The following PAK3 variants were observed in gnomAD, a reference collection of about 807,000 sequenced individuals.
The protein encoded by PAK3 is serine/threonine-protein kinase PAK 3.
A neutral mutation model predicts 41.0 loss-of-function variants in PAK3; 4 were observed. That is an observed-to-expected ratio of 0.10 (90% CI 0.05 to 0.22). The LOEUF is 0.22. PAK3 is among the 10% of genes least tolerant of loss of function. The pLI, the probability that PAK3 is intolerant of heterozygous loss-of-function variation, is 1.00. For missense variants in PAK3, 205 were observed against 409.9 expected (o/e 0.50, Z 4.32); for synonymous variants, 146 against 139.6 (o/e 1.05, Z -0.32).
intron 1 of PAK3, among the ~76,000 whole-genome samples, chrX:111,003,041 A>G (rs947696432): frequency 7.1e-5 from 8 of 111,902 alleles, no homozygotes; most frequent in African/African-American, 2.6e-4. Context: ...ATTCTAATGT[A>G]TGCTGAAGTT....
At chrX:111,096,747 C>G (rs887246814) in intron 1 of PAK3, 3 of 105,498 alleles carry the variant, frequency 2.8e-5, no homozygotes, top group African/African-American at 1.0e-4. Flanking sequence ...TGTAAGTCTT[C>G]CCTTTCACCC....
intron 11 of PAK3, among the ~76,000 whole-genome samples, chrX:111,190,189 T>C (rs968703398): frequency 1.8e-5 from 2 of 110,945 alleles, no homozygotes; most frequent in African/African-American, 3.3e-5. Flanking sequence ...CCAATCGATA[T>C]TTAGAAACAC....
At position 111,116,716 on chromosome X, in the gene PAK3, GACA is replaced by G. The variant is rs200058589; in HGVS notation, c.-27-6356_-27-6354del. On this transcript the variant is annotated intron_variant, in intron 4 of 17. Coordinates refer to ENST00000372007, the MANE Select transcript of PAK3 (RefSeq NM_002578.5). Reference sequence around the variant, plus strand: ...GAAGTCACTCATAAAAATGTTAGCAGACAACAATACTACAGCAGAACTGACCTC... The same window carrying G: ...GAAGTCACTCATAAAAATGTTAGCAGACAATACTACAGCAGAACTGACCTC... Among the ~76,000 whole-genome samples, 802 of 111,955 alleles carry G rather than the reference GACA, an allele frequency of 7.2e-3. 7 individuals carry two copies. The highest frequency in any genetic ancestry group is 0.011 in the Non-Finnish European group (591 of 53,155).
intron 5 of PAK3, among the ~76,000 whole-genome samples, chrX:111,135,310 CTTAA>C (rs764498648): frequency 4.5e-5 from 5 of 111,680 alleles, no homozygotes; most frequent in South Asian, 7.6e-4. Context: ...GAGAAAAGCA[CTTAA>C]TTAGTTAGAT....
chrX:110,951,198 T>G (rs2090738315), intron 1 of PAK3, among the ~76,000 whole-genome samples: 1 of 112,216 alleles, frequency 8.9e-6, no homozygotes, highest in Admixed American at 9.5e-5. Flanking sequence ...CTTCTGATAA[T>G]GAGGATCTCT....
intron 1 of PAK3, among the ~76,000 whole-genome samples, chrX:110,967,028 A>G (rs2091095489): frequency 8.9e-6 from 1 of 112,186 alleles, no homozygotes; most frequent in Admixed American, 9.4e-5. Context: ...AGATTACTCA[A>G]CAAGACCACA....
intron 1 of PAK3, among the ~76,000 whole-genome samples, chrX:111,040,571 C>T (rs536339489): frequency 4.5e-4 from 50 of 112,058 alleles, no homozygotes; most frequent in African/African-American, 1.6e-3. Context: ...GCTTGACCAC[C>T]TATCCCTGTG....
chrX:111,066,013 G>A (rs1048596927), intron 1 of PAK3, among the ~76,000 whole-genome samples: 9 of 111,740 alleles, frequency 8.1e-5, no homozygotes, highest in Non-Finnish European at 7.5e-5. Context: ...TTTTGGTTTC[G>A]TTTATTCCTT....
intron 1 of PAK3, among the ~76,000 whole-genome samples, chrX:111,028,001 G>GTATATATATACATATATA (rs1556448870): frequency 1.0e-5 from 1 of 96,197 alleles, no homozygotes; most frequent in African/African-American, 3.8e-5. Context: ...ATATGTGTGT[G>GTATATATATACATATATA]TGTGTATATA....
intron 1 of PAK3, among the ~76,000 whole-genome samples, chrX:110,974,743 A>G (rs1228722725): frequency 8.9e-6 from 1 of 111,961 alleles, no homozygotes; most frequent in Non-Finnish European, 1.9e-5. Context: ...CCAGCAGCAC[A>G]TCAAAAAGCT....
intron 16 of PAK3, among the ~76,000 whole-genome samples, chrX:111,202,139 G>C (rs770092159): frequency 1.8e-5 from 2 of 111,460 alleles, no homozygotes; most frequent in African/African-American, 6.5e-5. Context: ...CTGTGTCTCT[G>C]TTGTATCAGT....
chrX:110,983,345 G>A (rs778723329), intron 1 of PAK3, among the ~76,000 whole-genome samples: 17 of 110,744 alleles, frequency 1.5e-4, no homozygotes, highest in East Asian at 1.4e-3. Context: ...GAGTGATGGC[G>A]TTCTGGGCTG....
At chrX:110,992,874 C>G (rs960487238) in intron 1 of PAK3, among the ~76,000 whole-genome samples, 1 of 111,974 alleles carries the variant, frequency 8.9e-6, no homozygotes, top group African/African-American at 3.2e-5. Flanking sequence ...CAGGAAAATA[C>G]TTGAGATTTG....
chrX:110,968,534 T>A (rs1359192652), intron 1 of PAK3, among the ~76,000 whole-genome samples: 2 of 112,387 alleles, frequency 1.8e-5, no homozygotes, highest in African/African-American at 6.5e-5. Context: ...TGACAAGTGT[T>A]AGTGATATCT....
At position 111,220,457 on chromosome X, in the gene PAK3, C is replaced by G; in HGVS notation, c.*10C>G. ...GAACAGCAGCCGCTAAGACTGCAAG[C>G]CTTACACCTCACCATCTCCCTCATG... On this transcript the variant is annotated 3_prime_UTR_variant, in exon 18 of 18. Coordinates refer to ENST00000372007, the MANE Select transcript of PAK3 (RefSeq NM_002578.5). The G allele has an allele frequency of 9.4e-7, 1 of 1,061,550 alleles. No individual in the cohort carries two copies. Among genetic ancestry groups the G allele is most frequent in the Non-Finnish European group, 1.3e-6 (1 of 760,306 alleles). 87.5% of individuals were successfully genotyped at this position (1,061,550 alleles called of 1,213,427 possible).
At chrX:111,151,885 G>A (rs1459998946) in intron 7 of PAK3, among the ~76,000 whole-genome samples, 1 of 111,887 alleles carries the variant, frequency 8.9e-6, no homozygotes, top group Non-Finnish European at 1.9e-5. Flanking sequence ...CTAATAGGCT[G>A]GTAGTGTAAA....
chrX:111,077,746 T>A (rs1370448272), intron 1 of PAK3, among the ~76,000 whole-genome samples: 1 of 111,803 alleles, frequency 8.9e-6, no homozygotes, highest in Non-Finnish European at 1.9e-5. Flanking sequence ...GACATTGATC[T>A]GGGCAATGAT....
chrX:111,010,926 A>G (rs1031068089), intron 1 of PAK3, among the ~76,000 whole-genome samples: 4 of 111,846 alleles, frequency 3.6e-5, no homozygotes, highest in Non-Finnish European at 7.5e-5. Context: ...CACTTTTGAT[A>G]TATCCGGGGC....
chrX:111,163,006 C>T lies in PAK3; in HGVS notation c.560C>T (p.Pro187Leu), dbSNP rs1237460765. ...GAAGAAGAAGAAGATGAAAATGAGC[C>T]ACCACCAGTTATCGCACCAAGACCA... is the stretch of plus-strand genomic sequence containing the variant. ...EEEEEEDENE[P>L]PPVIAPRPEH... The change falls in exon 9 of 18, where the codon CCA (proline) becomes CTA (leucine). Residue 187 changes from proline to leucine, a missense_variant. Physicochemically the swap from Pro to Leu is moderately conservative, Grantham distance 98. Transcript: ENST00000372007. 8.3e-7 allele frequency: 1 copy of T among 1,205,435 alleles called. No individual in the cohort carries two copies. The highest frequency in any genetic ancestry group is 3.0e-5 in the East Asian group (1 of 33,693).
Sources: allele counts gnomAD v4.1 joint callset (sites outside exome capture counted in the v4.1 genomes callset), GRCh38; gene constraint gnomAD v4.1.1; transcripts MANE v1.5; gene names NCBI Gene and HGNC (gene_info 2026-07-23, HGNC 2026-07-21).